Variants in LYRM4 observed in about 807,000 individuals in gnomAD.
The protein encoded by LYRM4 is LYR motif containing 4.
A neutral mutation model predicts 11.7 loss-of-function variants in LYRM4; 9 were observed. The ratio of observed to expected loss-of-function variants is 0.77; its 90% CI spans 0.46 to 1.34. The LOEUF is 1.34. Among genes scored for constraint, LYRM4 ranks in the 40% most tolerant of loss-of-function variants. The probability of loss-of-function intolerance (pLI) is 0.00; values close to 1 mark genes in which losing one functional copy is unlikely to be tolerated. For missense variants in LYRM4, 133 were observed against 112.5 expected (o/e 1.18, Z -0.82); for synonymous variants, 42 against 40.4 (o/e 1.04, Z -0.15).
chr6:5,059,112 C>T, the LYRM4 span, among the ~76,000 whole-genome samples: 1,471 of 151,882 alleles, frequency 9.7e-3, 23 homozygotes, highest in African/African-American at 0.034. Flanking sequence ...AGGCTGAGGC[C>T]GGAGGATCCC....
chr6:5,137,676 T>C (rs1174751438), intron 2 of LYRM4, among the ~76,000 whole-genome samples: 1 of 152,202 alleles, frequency 6.6e-6, no homozygotes, highest in Non-Finnish European at 1.5e-5. Flanking sequence ...TGATGGAGAT[T>C]TTAATATTCT....
At chr6:5,041,252 T>C in the LYRM4 span, among the ~76,000 whole-genome samples, 1 of 152,220 alleles carries the variant, frequency 6.6e-6, no homozygotes, top group East Asian at 1.9e-4. Flanking sequence ...CAGTGTGGTG[T>C]AAATGTGGTT....
At chr6:5,136,393 C>T (rs1448937307) in intron 2 of LYRM4, 4 of 985,222 alleles carry the variant, frequency 4.1e-6, no homozygotes, top group Non-Finnish European at 4.8e-6. Context: ...CGGGAAGACA[C>T]GATAATGTAG....
chr6:5,222,980 T>C (rs776419374), intron 1 of LYRM4, among the ~76,000 whole-genome samples: 1 of 152,174 alleles, frequency 6.6e-6, no homozygotes, highest in Non-Finnish European at 1.5e-5. Flanking sequence ...CTGAACTGCA[T>C]GGGTAATTAA....
intron 1 of LYRM4, among the ~76,000 whole-genome samples, chr6:5,259,932 T>C (rs958048831): frequency 3.9e-5 from 6 of 151,920 alleles, no homozygotes; most frequent in African/African-American, 1.5e-4. Context: ...AGAGTAACAA[T>C]AAAAGACTCA....
chr6:5,136,453 G>A, intron 2 of LYRM4: 1 of 971,162 alleles, frequency 1.0e-6, no homozygotes, highest in Non-Finnish European at 1.2e-6. Flanking sequence ...TTAAACACCT[G>A]CTCTGCCAAT....
the LYRM4 span, among the ~76,000 whole-genome samples, chr6:5,050,524 G>C: frequency 6.6e-6 from 1 of 152,170 alleles, no homozygotes; most frequent in African/African-American, 2.4e-5. Context: ...TTTGGAGCCT[G>C]CTCTTTTTTT....
At chr6:5,085,122 G>A in the LYRM4 span, 6 of 277,026 alleles carry the variant, frequency 2.2e-5, no homozygotes, top group Admixed American at 5.3e-5. Flanking sequence ...GGGAGCCCGC[G>A]AACGACAGAA....
At chr6:5,154,785 C>G (rs754091136) in intron 2 of LYRM4, among the ~76,000 whole-genome samples, 1 of 151,986 alleles carries the variant, frequency 6.6e-6, no homozygotes, top group East Asian at 1.9e-4. Context: ...CGCCACTGCA[C>G]TCCAGCCTGG....
chr6:5,032,293 A>G, the LYRM4 span: 3 of 152,214 alleles, frequency 2.0e-5, no homozygotes, highest in African/African-American at 2.4e-5. Flanking sequence ...AAATATTCCT[A>G]TATTTCTATT....
chr6:5,190,439 G>A (rs144123325), intron 2 of LYRM4, among the ~76,000 whole-genome samples: 186 of 152,160 alleles, frequency 1.2e-3, no homozygotes, highest in African/African-American at 4.0e-3. Flanking sequence ...ATAGGCTCTG[G>A]CATTAAATAT....
chr6:5,051,302 C>T, the LYRM4 span, among the ~76,000 whole-genome samples: 10 of 152,138 alleles, frequency 6.6e-5, no homozygotes, highest in Non-Finnish European at 1.0e-4. Flanking sequence ...ATGATAAAGA[C>T]ATGAACATAA....
intron 2 of LYRM4, among the ~76,000 whole-genome samples, chr6:5,158,045 C>T (rs1410606487): frequency 6.6e-6 from 1 of 152,046 alleles, no homozygotes; most frequent in African/African-American, 2.4e-5. Flanking sequence ...GCTATGGGGA[C>T]AGGATCAGAG....
chr6:5,160,505 T>G (rs1385722187), intron 2 of LYRM4, among the ~76,000 whole-genome samples: 1 of 152,052 alleles, frequency 6.6e-6, no homozygotes, highest in Non-Finnish European at 1.5e-5. Context: ...AATCTGATAT[T>G]TTTATAATAT....
At chr6:5,142,488 A>G (rs1757461964) in intron 2 of LYRM4, among the ~76,000 whole-genome samples, 1 of 152,190 alleles carries the variant, frequency 6.6e-6, no homozygotes, top group South Asian at 2.1e-4. Flanking sequence ...TTCTTGACCT[A>G]TAGAAGTGGG....
chr6:5,069,018 T>C, the LYRM4 span, among the ~76,000 whole-genome samples: 4 of 152,106 alleles, frequency 2.6e-5, no homozygotes, highest in Non-Finnish European at 5.9e-5. Context: ...CTAGATCCTC[T>C]TCAGACATGC....
At chr6:5,247,435 C>G (rs1764244838) in intron 1 of LYRM4, among the ~76,000 whole-genome samples, 1 of 152,160 alleles carries the variant, frequency 6.6e-6, no homozygotes, top group African/African-American at 2.4e-5. Context: ...TTTAATTTAG[C>G]TTTTTGTTTA....
chr6:5,111,876 G>A (rs1257013895), intron 2 of LYRM4, among the ~76,000 whole-genome samples: 1 of 152,206 alleles, frequency 6.6e-6, no homozygotes, highest in Non-Finnish European at 1.5e-5. Context: ...GAAACTTCTA[G>A]GTGATCTTTA....
intron 2 of LYRM4, among the ~76,000 whole-genome samples, chr6:5,140,926 CTTG>C (rs1428612220): frequency 7.9e-5 from 12 of 152,232 alleles, no homozygotes; most frequent in African/African-American, 2.9e-4. Context: ...AGCCTTCCAA[CTTG>C]TTGTTCAGGT....
Sources: gnomAD v4.1 joint callset for allele counts (sites outside exome capture counted in the v4.1 genomes callset) on GRCh38, gnomAD v4.1.1 for gene constraint, MANE v1.5 for transcripts, NCBI Gene and HGNC (gene_info 2026-07-23, HGNC 2026-07-21) for gene names.